USP48: variants seen among roughly 807,000 people sequenced by gnomAD.
USP48 encodes the protein ubiquitin carboxyl-terminal hydrolase 48.
In USP48, 43 loss-of-function variants were observed where a neutral mutation model predicts 150.7. The ratio of observed to expected loss-of-function variants is 0.29; its 90% CI spans 0.22 to 0.37. The LOEUF is 0.37. USP48 is among the 10% of genes least tolerant of loss of function. The pLI is 1.00. For synonymous variants in USP48, 396 were observed against 425.9 expected, an observed-to-expected ratio of 0.93 and a Z score of 0.86; for missense variants, 813 against 1,249.6, an observed-to-expected ratio of 0.65 and a Z score of 5.27.
chr1:21,732,362 A>T (rs1306301702), intron 9 of USP48, among the ~76,000 whole-genome samples: 1 of 152,130 alleles, frequency 6.6e-6, no homozygotes, highest in Non-Finnish European at 1.5e-5. Context: ...TCTAAAATGG[A>T]TCTGCCTCAA....
At chr1:21,682,472 T>C (rs1383269225) in intron 25 of USP48, among the ~76,000 whole-genome samples, 2 of 152,170 alleles carry the variant, frequency 1.3e-5, no homozygotes, top group African/African-American at 2.4e-5. Context: ...ATTTATAGGT[T>C]ATTTTCCAGC....
intron 3 of USP48, among the ~76,000 whole-genome samples, chr1:21,755,378 T>G (rs1440320952): frequency 2.0e-5 from 3 of 150,020 alleles, no homozygotes; most frequent in Non-Finnish European, 3.0e-5. Context: ...CTGGGCAACA[T>G]GGTAAAATGC....
chr1:21,778,727 C>A (rs1421502460), intron 1 of USP48, among the ~76,000 whole-genome samples: 1 of 151,428 alleles, frequency 6.6e-6, no homozygotes, highest in African/African-American at 2.4e-5. Flanking sequence ...AGCTTGGGCA[C>A]CAAAGTGGGA....
intron 3 of USP48, 86 bp downstream of exon 3, chr1:21,756,460 A>G: frequency 2.1e-6 from 3 of 1,436,312 alleles, no homozygotes; most frequent in Non-Finnish European, 2.8e-6. Context: ...TGGCTTGGGA[A>G]ACAGAGGAAG....
chr1:21,691,938 C>A (rs916453540), intron 23 of USP48, among the ~76,000 whole-genome samples: 1 of 152,110 alleles, frequency 6.6e-6, no homozygotes, highest in Non-Finnish European at 1.5e-5. Context: ...ATGGGAAAAC[C>A]ATTCTGCCCT....
chr1:21,692,431 G>C lies in USP48; in HGVS notation c.2884-2332C>G, dbSNP rs138457953. Among the ~76,000 whole-genome samples, 783 of 152,270 alleles carry C rather than the reference G, an allele frequency of 5.1e-3. 6 individuals are homozygous for C. The highest frequency in any genetic ancestry group is 0.018 in the African/African-American group (730 of 41,552). ...CTAACTTAACATGGATAATGTCACA[G>C]CTGCTGGACTGTAAAAATGCTTGTT... On this transcript the variant is annotated intron_variant, in intron 23 of 26. Transcript: ENST00000308271.
intron 11 of USP48, 187 bp from the exon 12 acceptor site, chr1:21,724,282 T>C: frequency 1.6e-6 from 1 of 641,428 alleles, no homozygotes; most frequent in Non-Finnish European, 2.7e-6. Context: ...CTCCTATGAG[T>C]TCAAGGAGCT....
chr1:21,730,601 G>A (rs911217970), intron 9 of USP48, among the ~76,000 whole-genome samples: 1 of 148,420 alleles, frequency 6.7e-6, no homozygotes, highest in African/African-American at 2.5e-5. Flanking sequence ...GCCTGAGGCA[G>A]GAGAATCGCT....
rs751352495 is a variant in USP48 at position 21,701,585 on chromosome 1, A to T, written c.2640T>A (p.Ala880=). The T allele has an allele frequency of 2.5e-6, 4 of 1,613,636 alleles. No individual in the cohort carries two copies. The highest frequency in any genetic ancestry group is 2.7e-5 in the African/African-American group (2 of 74,884). The change falls in exon 22 of 27, where the codon GCT becomes GCA. Residue 880 remains alanine, a synonymous_variant. Coordinates refer to ENST00000308271, the MANE Select transcript of USP48 (RefSeq NM_032236.8). ...VDNKKVMKDS[A]PELNVSSSET... is the part of the protein sequence containing the mutation. ...CAGAACTACTCACATTCAGTTCCGG[A>T]GCCGAATCCTTCATCACCTGAATGT...
intron 11 of USP48, chr1:21,728,247 T>C (rs550299907): frequency 8.6e-6 from 9 of 1,049,106 alleles, no homozygotes; most frequent in African/African-American, 5.0e-5. Context: ...GCTTTTTCCA[T>C]AGTAATCCAA....
At chr1:21,741,690 A>T (rs747458607) in intron 8 of USP48, among the ~76,000 whole-genome samples, 13 of 152,194 alleles carry the variant, frequency 8.5e-5, no homozygotes, top group Non-Finnish European at 1.6e-4. Flanking sequence ...TACATATGAA[A>T]AATAGGCCAG....
Position 21,704,290 on chromosome 1 carries a change from A to C in USP48, c.2487T>G (p.Pro829=). 6.2e-7 allele frequency: 1 copy of C among 1,613,372 alleles called. No homozygotes were observed. The highest frequency in any genetic ancestry group is 8.5e-7 in the Non-Finnish European group (1 of 1,179,738). ...ITRIEVGDVN[P]SETQYISEPK... ...GCTCAGAAATATACTGTGTTTCTGA[A>C]GGGTTTACATCTCCCACTTCAATTC... Residue 829 remains proline (P), a synonymous_variant, in exon 20 of 27, where the codon CCT becomes CCG. Coordinates refer to ENST00000308271, the MANE Select transcript of USP48 (RefSeq NM_032236.8).
intron 1 of USP48, among the ~76,000 whole-genome samples, chr1:21,779,269 G>A (rs961834654): frequency 6.6e-6 from 1 of 152,044 alleles, no homozygotes; most frequent in Admixed American, 6.6e-5. Context: ...AAAGAGCTGG[G>A]TGCGGTGGCT....
intron 1 of USP48, among the ~76,000 whole-genome samples, chr1:21,765,653 G>A (rs983385039): frequency 3.3e-5 from 5 of 151,642 alleles, no homozygotes; most frequent in African/African-American, 1.2e-4. Flanking sequence ...GCTGAACAAG[G>A]CATGAGACGT....
At chr1:21,756,489 A>G in intron 3 of USP48, 57 bp downstream of exon 3, 1 of 1,541,484 alleles carries the variant, frequency 6.5e-7, no homozygotes, top group Non-Finnish European at 8.7e-7. Context: ...AAAAAAAAAA[A>G]AAAAAGTTTA....
Position 21,679,178 on chromosome 1 carries a change from A to ACCC in USP48, c.*236_*238dup. 1.2e-5 allele frequency: 3 copies of ACCC among 253,404 alleles called. No individual in the cohort carries two copies. The highest frequency in any genetic ancestry group is 2.2e-5 in the Non-Finnish European group (3 of 136,352). 15.7% of individuals were successfully genotyped at this position (253,404 alleles called of 1,614,324 possible). A position where few individuals can be genotyped will look rare whatever the true frequency, so the allele number is the denominator to read the frequency against. On this transcript the variant is annotated 3_prime_UTR_variant, in exon 27 of 27. Coordinates refer to ENST00000308271, the MANE Select transcript of USP48 (RefSeq NM_032236.8). ...GTTCCGTCTTTACTTGCCCCCTCCC[A>ACCC]CCCACCACCCCCCTTAAATATAAAA...
intron 1 of USP48, among the ~76,000 whole-genome samples, chr1:21,760,618 G>A (rs1287885857): frequency 6.6e-6 from 1 of 152,110 alleles, no homozygotes; most frequent in Non-Finnish European, 1.5e-5. Context: ...GGAGGCTGAG[G>A]CAGGAGAAAT....
Position 21,706,067 on chromosome 1 carries a change from A to C in USP48, c.2273+59T>G, listed in dbSNP as rs1477159064. The C allele has an allele frequency of 1.9e-6, 3 of 1,559,420 alleles. No homozygotes were observed. The African/African-American group carries it at 4.1e-5, about 21-fold the overall frequency. ...AAACAGAATCCACGATATCTTAAAA[A>C]ATACCAGAGTCAACCAAATCAGTAA... On this transcript the variant is annotated intron_variant, in intron 18 of 26. Transcript: ENST00000308271.
chr1:21,696,906 T>TC (rs1553121031), intron 22 of USP48, among the ~76,000 whole-genome samples: 8 of 121,766 alleles, frequency 6.6e-5, no homozygotes, highest in Admixed American at 3.6e-4. Context: ...CGGTGGGGGA[T>TC]GGGGGGTGAG....
Sources: gnomAD v4.1 joint callset for allele counts (sites outside exome capture counted in the v4.1 genomes callset) on GRCh38, gnomAD v4.1.1 for gene constraint, MANE v1.5 for transcripts, NCBI Gene and HGNC (gene_info 2026-07-23, HGNC 2026-07-21) for gene names.